The following PRRX2 variants were observed in gnomAD, a reference collection of about 807,000 sequenced individuals.
PRRX2 encodes paired mesoderm homeobox protein 2.
In PRRX2, 11 loss-of-function variants were observed where a neutral mutation model predicts 18.0. That is an observed-to-expected ratio of 0.61 (90% CI 0.39 to 1.01). The LOEUF is 1.01. Ranked by LOEUF, PRRX2 falls within the 50% of genes least tolerant of loss-of-function variation. The pLI, the probability that PRRX2 is intolerant of heterozygous loss-of-function variation, is 0.01. For missense variants in PRRX2, 387 were observed against 351.0 expected (o/e 1.10, Z -0.82); for synonymous variants, 177 against 154.8 (o/e 1.14, Z -1.06).
At chr9:129,696,758 G>A (rs1832428866) in intron 1 of PRRX2, among the ~76,000 whole-genome samples, 1 of 152,154 alleles carries the variant, frequency 6.6e-6, no homozygotes, top group Non-Finnish European at 1.5e-5. Context: ...CCAGATGCTT[G>A]GGTGGGAGGA....
intron 1 of PRRX2, among the ~76,000 whole-genome samples, chr9:129,668,902 A>T (rs1832063329): frequency 6.6e-6 from 1 of 151,500 alleles, no homozygotes; most frequent in South Asian, 2.1e-4. Context: ...TAATCCCAGC[A>T]CTTTGGGAGG....
In PRRX2 at chr9:129,695,334, G is replaced by A. The variant is rs1238083500; in HGVS notation, c.260-23897G>A. Reference sequence around the variant, plus strand: ...GGACAGAGTTCTGTGACCTGAAATTGCCACCAGCTGTCTTTAGCCCCAGAG... The same window carrying A: ...GGACAGAGTTCTGTGACCTGAAATTACCACCAGCTGTCTTTAGCCCCAGAG... On this transcript the variant is annotated intron_variant, in intron 1 of 3. Coordinates refer to ENST00000372469, the MANE Select transcript of PRRX2 (RefSeq NM_016307.4). This position sits in a 1 kb window ranked among gnomAD's most constrained non-coding sequence, Gnocchi z 4.8. Among the ~76,000 whole-genome samples the A allele has an allele frequency of 6.6e-6, 1 of 152,230 alleles. No homozygotes were observed. The highest frequency in any genetic ancestry group is 1.5e-5 in the Non-Finnish European group (1 of 68,044).
Position 129,666,014 on chromosome 9 carries a change from G to A in PRRX2, c.147G>A (p.Val49=). 1 of 1,065,998 alleles carries A rather than the reference G, an allele frequency of 9.4e-7. No individual in the cohort carries two copies. Among genetic ancestry groups the A allele is most frequent in the East Asian group, 7.2e-5 (1 of 13,800 alleles). 66.0% of individuals were successfully genotyped at this position (1,065,998 alleles called of 1,614,324 possible). Residue 49 remains valine, a synonymous_variant, in exon 1 of 4, where the codon GTG becomes GTA. Transcript: ENST00000372469. ...SVSHLLDLEE[V]AAAGRLAARP... ...GCCACCTCCTGGACCTGGAAGAGGT[G>A]GCGGCGGCCGGGCGGCTGGCGGCGC...
At chr9:129,669,330 C>A (rs56766137) in intron 1 of PRRX2, among the ~76,000 whole-genome samples, 18,181 of 152,302 alleles carry the variant, frequency 0.12, 1,208 homozygotes, top group African/African-American at 0.16. Context: ...CAGTCAAACG[C>A]TGAGGGCTGC....
chr9:129,702,112 C>T (rs924108976), intron 1 of PRRX2, among the ~76,000 whole-genome samples: 5 of 145,858 alleles, frequency 3.4e-5, no homozygotes, highest in African/African-American at 7.6e-5. Context: ...AAACTTTCTA[C>T]GACTGCCAGG....
chr9:129,711,838 T>C (rs967896359), intron 1 of PRRX2, among the ~76,000 whole-genome samples: 2 of 152,174 alleles, frequency 1.3e-5, no homozygotes, highest in Non-Finnish European at 2.9e-5. Context: ...CTGCCTTCCA[T>C]TCCTTACTGG....
chr9:129,682,584 T>C (rs1832247162), intron 1 of PRRX2, among the ~76,000 whole-genome samples: 1 of 152,202 alleles, frequency 6.6e-6, no homozygotes, highest in South Asian at 2.1e-4. Flanking sequence ...GTCTCTTGAC[T>C]GGTCCAGGGT....
chr9:129,697,499 CCGCGGCGCCGCTCTGGCCGCCACCAG>C (rs1187819801), intron 1 of PRRX2, among the ~76,000 whole-genome samples: 1 of 151,168 alleles, frequency 6.6e-6, no homozygotes, highest in Non-Finnish European at 1.5e-5. Flanking sequence ...ACCAGATGTG[CCGCGGCGCCGCTCTGGCCGCCACCAG>C]CGCGGCGCGC....
At chr9:129,677,954 CTTTCTTTTTTTTT>C (rs1832181405) in intron 1 of PRRX2, among the ~76,000 whole-genome samples, 1 of 125,742 alleles carries the variant, frequency 8.0e-6, no homozygotes, top group Admixed American at 8.2e-5. Context: ...TTCTTTCTTT[CTTTCTTTTTTTTT>C]TTTTTTTTTT....
In PRRX2 at chr9:129,715,770, A is replaced by C. The variant is rs1210101260; in HGVS notation, c.260-3461A>C. On this transcript the variant is annotated intron_variant, in intron 1 of 3. Transcript: ENST00000372469. The surrounding 1 kb of genome is among the most constrained non-coding windows in gnomAD (Gnocchi z 4.0). Reference sequence around the variant, plus strand: ...CTTTCTCACACACACACACACACACACACACACACACACACACACACACTC... The same window carrying C: ...CTTTCTCACACACACACACACACACCCACACACACACACACACACACACTC... Among the ~76,000 whole-genome samples the C allele has an allele frequency of 6.6e-6, 1 of 150,414 alleles. No individual in the cohort carries two copies. Among genetic ancestry groups the C allele is most frequent in the Non-Finnish European group, 1.5e-5 (1 of 67,784 alleles).
chr9:129,666,079 G>A lies in PRRX2; in HGVS notation c.212G>A (p.Arg71Gln). Residue 71 changes from arginine to glutamine, a missense_variant, in exon 1 of 4, where the codon CGG (arginine) becomes CAG (glutamine). By Grantham distance (43) the Arg-to-Gln change is conservative. Coordinates refer to ENST00000372469, the MANE Select transcript of PRRX2 (RefSeq NM_016307.4). ...GCCGAGGCGCGGGAGGGCGCAGCACGGGAGCCGTCCGGGGGCAGCAGCGGC... is the reference window on the plus strand; with the variant it reads ...GCCGAGGCGCGGGAGGGCGCAGCACAGGAGCCGTCCGGGGGCAGCAGCGGC... ...ARAEAREGAAREPSGGSSGSE... is the reference protein window; with the variant it reads ...ARAEAREGAAQEPSGGSSGSE... The A allele has an allele frequency of 4.8e-6, 5 of 1,038,338 alleles. No homozygotes were observed. The highest frequency in any genetic ancestry group is 5.8e-6 in the Non-Finnish European group (5 of 866,792). The allele number at this position is 1,038,338 out of a possible 1,614,324, so 64.3% of individuals were successfully genotyped here.
chr9:129,670,124 A>G (rs148377640), intron 1 of PRRX2, among the ~76,000 whole-genome samples: 38 of 149,862 alleles, frequency 2.5e-4, no homozygotes, highest in African/African-American at 9.1e-4. Context: ...ATTTCACTTA[A>G]TGTGACGTCT....
intron 1 of PRRX2, among the ~76,000 whole-genome samples, chr9:129,716,469 T>C (rs76658086): frequency 6.6e-6 from 1 of 151,630 alleles, no homozygotes; most frequent in Non-Finnish European, 1.5e-5. Context: ...TTTTTTTTTT[T>C]TTGAGACAAG....
intron 1 of PRRX2, among the ~76,000 whole-genome samples, chr9:129,678,078 C>G (rs1832183850): frequency 6.6e-6 from 1 of 151,406 alleles, no homozygotes; most frequent in South Asian, 2.1e-4. Context: ...ATTGTCCTGC[C>G]TCAGCCTCTC....
intron 3 of PRRX2, among the ~76,000 whole-genome samples, chr9:129,721,286 C>T (rs1016990364): frequency 3.9e-5 from 6 of 152,240 alleles, no homozygotes; most frequent in Middle Eastern, 6.8e-3. Context: ...CCCTGGCCTG[C>T]GGGCATGGCT....
chr9:129,713,492 C>G (rs937197418), intron 1 of PRRX2, among the ~76,000 whole-genome samples: 21 of 152,186 alleles, frequency 1.4e-4, no homozygotes, highest in African/African-American at 5.1e-4. Context: ...GATCAGAGAG[C>G]TGGGACTGAG....
intron 1 of PRRX2, among the ~76,000 whole-genome samples, chr9:129,688,920 AGAATG>A (rs1416433973): frequency 6.6e-6 from 1 of 152,188 alleles, no homozygotes; most frequent in Non-Finnish European, 1.5e-5. Context: ...TCTCATTCAT[AGAATG>A]GAAAGGAAAG....
chr9:129,717,783 T>C (rs890700513), intron 1 of PRRX2, among the ~76,000 whole-genome samples: 1 of 152,010 alleles, frequency 6.6e-6, no homozygotes. Flanking sequence ...TTTTACTTTA[T>C]ACCCATCTGT....
chr9:129,670,218 T>A (rs1482555809), intron 1 of PRRX2, among the ~76,000 whole-genome samples: 1 of 151,772 alleles, frequency 6.6e-6, no homozygotes, highest in Non-Finnish European at 1.5e-5. Flanking sequence ...TGGACCACAT[T>A]GTATCCGTTC....
Sources: gnomAD v4.1 joint callset for allele counts (sites outside exome capture counted in the v4.1 genomes callset) on GRCh38, gnomAD v4.1.1 for gene constraint, Gnocchi (gnomAD v3.1) non-coding constraint, MANE v1.5 for transcripts, NCBI Gene and HGNC (gene_info 2026-07-23, HGNC 2026-07-21) for gene names.